ZNF90: variants seen among roughly 807,000 people sequenced by gnomAD.
ZNF90 encodes the protein zinc finger protein 90, also known as zinc finger protein HTF9.
In ZNF90, 11 loss-of-function variants were observed where a neutral mutation model predicts 12.0. That is an observed-to-expected ratio of 0.92 (90% confidence interval 0.58 to 1.52). The LOEUF (loss-of-function observed/expected upper bound fraction) is 1.52. Among genes scored for constraint, ZNF90 ranks in the 40% most tolerant of loss-of-function variants. ZNF90 has a pLI of 0.00. For missense variants in ZNF90, 765 were observed against 711.5 expected, an observed-to-expected ratio of 1.08 and a Z score of -0.86; for synonymous variants, 232 against 240.1, an observed-to-expected ratio of 0.97 and a Z score of 0.31.
At chr19:20,116,801 T>G (rs868984352) in intron 3 of ZNF90, among the ~76,000 whole-genome samples, 3 of 152,110 alleles carry the variant, frequency 2.0e-5, no homozygotes, top group Admixed American at 6.5e-5. Flanking sequence ...ATTCCCTGTT[T>G]GGGGTACTGC....
chr19:20,095,916 G>C (rs562365421), intron 1 of ZNF90, among the ~76,000 whole-genome samples: 1 of 152,226 alleles, frequency 6.6e-6, no homozygotes, highest in East Asian at 1.9e-4. Flanking sequence ...AGGTGTCCCT[G>C]TGTGGTCTGA....
chr19:20,090,930 A>C (rs992421789), intron 1 of ZNF90, among the ~76,000 whole-genome samples: 23 of 152,206 alleles, frequency 1.5e-4, no homozygotes, highest in African/African-American at 5.3e-4. Flanking sequence ...TTTCCTGAAG[A>C]TTGAGGATGG....
At chr19:20,091,304 G>A (rs2088901092) in intron 1 of ZNF90, among the ~76,000 whole-genome samples, 1 of 152,108 alleles carries the variant, frequency 6.6e-6, no homozygotes, top group African/African-American at 2.4e-5. Flanking sequence ...ACACTGAGAA[G>A]TGATCTCCTT....
chr19:20,118,190 G>A lies in ZNF90; in HGVS notation c.636G>A (p.Arg212=). 1 of 1,601,946 alleles carries A rather than the reference G, an allele frequency of 6.2e-7. No homozygotes were observed. Among genetic ancestry groups the A allele is most frequent in the Non-Finnish European group, 8.5e-7 (1 of 1,174,806 alleles). The change falls in exon 4 of 4, where the codon AGG becomes AGA. Residue 212 remains arginine, a synonymous_variant. Transcript: ENST00000418063. ...AAGAATGTGGCAAAGCCTTCAACAG[G>A]TCCTCACACCTTACTTCACATAAGA... ...KCEECGKAFN[R]SSHLTSHKRI...
chr19:20,106,020 T>C (rs983482930), intron 3 of ZNF90, among the ~76,000 whole-genome samples: 1 of 150,116 alleles, frequency 6.7e-6, no homozygotes, highest in Non-Finnish European at 1.5e-5. Context: ...TTTTAAAATT[T>C]ATTTGGAACT....
chr19:20,099,288 T>C (rs557296539), intron 1 of ZNF90, among the ~76,000 whole-genome samples: 1 of 152,242 alleles, frequency 6.6e-6, no homozygotes, highest in Admixed American at 6.5e-5. Context: ...ATTCTCTTCC[T>C]TCAGCATCCT....
chr19:20,102,706 G>C (rs565205212), intron 1 of ZNF90, among the ~76,000 whole-genome samples: 20 of 152,216 alleles, frequency 1.3e-4, no homozygotes, highest in African/African-American at 4.8e-4. Flanking sequence ...TTTCTACTGG[G>C]GAAAACTGTG....
chr19:20,101,953 C>A (rs1172188427), intron 1 of ZNF90, among the ~76,000 whole-genome samples: 1 of 152,168 alleles, frequency 6.6e-6, no homozygotes, highest in Non-Finnish European at 1.5e-5. Context: ...AAAAATATTT[C>A]TTTCCTATAT....
At chr19:20,112,087 G>C (rs756020003) in intron 3 of ZNF90, among the ~76,000 whole-genome samples, 1 of 151,938 alleles carries the variant, frequency 6.6e-6, no homozygotes, top group African/African-American at 2.4e-5. Context: ...GCAAGCTTCT[G>C]ACCTTGTGAT....
chr19:20,112,059 A>G (rs1555705195), intron 3 of ZNF90, among the ~76,000 whole-genome samples: 3 of 151,870 alleles, frequency 2.0e-5, no homozygotes, highest in Non-Finnish European at 2.9e-5. Flanking sequence ...GCGTTTCACA[A>G]TGTTGGCCAG....
intron 1 of ZNF90, among the ~76,000 whole-genome samples, chr19:20,099,306 T>C (rs2088971948): frequency 6.6e-6 from 1 of 152,148 alleles, no homozygotes; most frequent in Non-Finnish European, 1.5e-5. Context: ...CCTGAGTAGC[T>C]GGGATTACAG....
chr19:20,082,630 T>C (rs917077623), intron 1 of ZNF90, among the ~76,000 whole-genome samples: 1 of 152,134 alleles, frequency 6.6e-6, no homozygotes, highest in Non-Finnish European at 1.5e-5. Context: ...CACAAAACAC[T>C]GTGGAAGGCC....
chr19:20,113,500 T>G (rs1408876553), intron 3 of ZNF90, among the ~76,000 whole-genome samples: 2 of 151,914 alleles, frequency 1.3e-5, no homozygotes, highest in African/African-American at 4.8e-5. Context: ...CTTGTAACAG[T>G]GTTTTTAATC....
At chr19:20,117,108 T>A (rs2089144845) in intron 3 of ZNF90, among the ~76,000 whole-genome samples, 1 of 151,460 alleles carries the variant, frequency 6.6e-6, no homozygotes, top group Non-Finnish European at 1.5e-5. Flanking sequence ...ACTGGCATGA[T>A]CTTGGCCCAC....
intron 1 of ZNF90, among the ~76,000 whole-genome samples, chr19:20,100,950 C>T (rs1161295769): frequency 6.6e-6 from 1 of 152,078 alleles, no homozygotes; most frequent in Non-Finnish European, 1.5e-5. Context: ...GCATTTGAGT[C>T]GGGAGTGCAC....
chr19:20,112,744 T>C (rs1354964644), intron 3 of ZNF90, among the ~76,000 whole-genome samples: 16 of 152,206 alleles, frequency 1.1e-4, no homozygotes, highest in Admixed American at 1.0e-3. Flanking sequence ...TGGTTAGAAA[T>C]GTTTTTTTGT....
chr19:20,090,359 A>T (rs1446966643), intron 1 of ZNF90, among the ~76,000 whole-genome samples: 2 of 152,142 alleles, frequency 1.3e-5, no homozygotes, highest in African/African-American at 4.8e-5. Context: ...ACTGTTCTTC[A>T]GAAATACGAG....
In ZNF90 at chr19:20,118,841, A is replaced by G. The variant is rs1426956535; in HGVS notation, c.1287A>G (p.Glu429=). The part of the protein sequence containing the change: ...HTEEKPYKCQ[E]CDKVFKRSSA... ...AAGAGAAACCCTACAAATGTCAAGA[A>G]TGTGACAAAGTCTTCAAACGCTCCT... is the stretch of plus-strand genomic sequence containing the variant. The change falls in exon 4 of 4, where the codon GAA becomes GAG. Residue 429 remains glutamate (E), a synonymous_variant. Coordinates refer to ENST00000418063, the MANE Select transcript of ZNF90 (RefSeq NM_007138.2). The G allele has an allele frequency of 3.1e-6, 5 of 1,605,560 alleles. No individual in the cohort carries two copies. Among genetic ancestry groups the G allele is most frequent in the Non-Finnish European group, 4.3e-6 (5 of 1,175,892 alleles).
intron 1 of ZNF90, among the ~76,000 whole-genome samples, chr19:20,098,860 C>T (rs1464499019): frequency 6.6e-6 from 1 of 152,140 alleles, no homozygotes; most frequent in African/African-American, 2.4e-5. Flanking sequence ...GTCTTTGGTA[C>T]CCAGATGAGA....
Sources: gnomAD v4.1 joint callset for allele counts (sites outside exome capture counted in the v4.1 genomes callset) on GRCh38, gnomAD v4.1.1 for gene constraint, MANE v1.5 for transcripts, NCBI Gene and HGNC (gene_info 2026-07-23, HGNC 2026-07-21) for gene names.